The following C4orf36 variants were observed in gnomAD, a reference collection of about 807,000 sequenced individuals.
C4orf36 encodes the protein chromosome 4 open reading frame 36.
C4orf36 carries 11 observed loss-of-function variants against 12.2 expected under a neutral mutation model. The observed-to-expected ratio is 0.90, with a 90% CI of 0.57 to 1.49. The LOEUF (loss-of-function observed/expected upper bound fraction) is 1.49. Ranked by LOEUF, C4orf36 falls within the 40% of genes most tolerant of loss-of-function variation. The pLI is 0.00. For synonymous variants in C4orf36, 54 were observed against 51.3 expected, an observed-to-expected ratio of 1.05 and a Z score of -0.22; for missense variants, 137 against 133.9, an observed-to-expected ratio of 1.02 and a Z score of -0.11.
chr4:86,890,830 C>T (rs1747379065), intron 2 of C4orf36, among the ~76,000 whole-genome samples: 2 of 152,184 alleles, frequency 1.3e-5, no homozygotes, highest in African/African-American at 2.4e-5. Context: ...TTCACATACA[C>T]GACTTCATTT....
At chr4:86,890,208 A>AGGAG in intron 2 of C4orf36, 1 of 91,210 alleles carries the variant, frequency 1.1e-5, no homozygotes. Flanking sequence ...GGAGGGAGGG[A>AGGAG]GGAAGGAAGG....
the C4orf36 span, among the ~76,000 whole-genome samples, chr4:86,905,379 G>GAAATAAAT: frequency 2.8e-4 from 42 of 150,900 alleles, no homozygotes; most frequent in East Asian, 3.2e-3. Context: ...ACTCCATCTC[G>GAAATAAAT]AAATAAATAA....
rs935968350 is a variant in C4orf36 at position 86,885,868 on chromosome 4, G to A, written c.*2+1890C>T. Among the ~76,000 whole-genome samples the A allele has an allele frequency of 3.4e-4, 51 of 152,222 alleles. 1 individual carries two copies. Among genetic ancestry groups the A allele is most frequent in the African/African-American group, 1.2e-3 (48 of 41,526 alleles). ...AATAGCTCTTATTATTTTGAGATAC[G>A]TCCCATCAATACCTAATTTATTGAC... On this transcript the variant is annotated intron_variant, in intron 4 of 4. Transcript: ENST00000295898.
chr4:86,892,494 AC>A, upstream of C4orf36: 1 of 980,020 alleles, frequency 1.0e-6, no homozygotes. Flanking sequence ...CAGGGAGGGG[AC>A]GCCGGGCCCG....
At chr4:86,884,613 T>G (rs1482916894) in intron 4 of C4orf36, among the ~76,000 whole-genome samples, 1 of 152,088 alleles carries the variant, frequency 6.6e-6, no homozygotes, top group African/African-American at 2.4e-5. Context: ...GCCTGACAAT[T>G]TTTTTTAGGA....
the C4orf36 span, among the ~76,000 whole-genome samples, chr4:86,929,185 G>C: frequency 6.6e-6 from 1 of 152,122 alleles, no homozygotes; most frequent in African/African-American, 2.4e-5. Flanking sequence ...AATTTCCATA[G>C]GTTGGACTTG....
the C4orf36 span, among the ~76,000 whole-genome samples, chr4:86,927,303 G>A: frequency 6.6e-6 from 1 of 152,184 alleles, no homozygotes; most frequent in Non-Finnish European, 1.5e-5. Flanking sequence ...AGAATTGCTT[G>A]AACCCAGCAT....
the C4orf36 span, among the ~76,000 whole-genome samples, chr4:86,912,332 T>C: frequency 1.3e-5 from 2 of 152,212 alleles, no homozygotes; most frequent in African/African-American, 4.8e-5. Context: ...ATTGTCTCTT[T>C]TTATTCTTAT....
At chr4:86,904,729 A>AAAT in the C4orf36 span, among the ~76,000 whole-genome samples, 15 of 151,924 alleles carry the variant, frequency 9.9e-5, no homozygotes, top group Middle Eastern at 3.2e-3. Flanking sequence ...CCGCATCTCT[A>AAAT]AATAATAATA....
At position 86,876,436 on chromosome 4, in the gene C4orf36, G is replaced by C. The variant is rs892915542; in HGVS notation, c.*10C>G. ...CTGAGTTTCTTCATCTACAATCCGC[G>C]CTTCAGGCTGCGCAAAGGAGAGGGG... On this transcript the variant is annotated 3_prime_UTR_variant, in exon 5 of 5. Transcript: ENST00000295898. The C allele has an allele frequency of 1.9e-4, 310 of 1,613,400 alleles. No individual in the cohort carries two copies. Among genetic ancestry groups the C allele is most frequent in the Admixed American group, 1.3e-3 (78 of 59,954 alleles).
At chr4:86,900,652 T>C in the C4orf36 span, among the ~76,000 whole-genome samples, 1 of 152,120 alleles carries the variant, frequency 6.6e-6, no homozygotes, top group African/African-American at 2.4e-5. Flanking sequence ...GCTCCCTCCA[T>C]GGTTTTGGAA....
chr4:86,887,825 T>C lies in C4orf36; in HGVS notation c.289A>G (p.Lys97Glu). The C allele has an allele frequency of 6.2e-7, 1 of 1,614,230 alleles. No individual in the cohort carries two copies. ...CKLKCQENTS[K>E]EIQLLLRERP... ...TCCCTCAGGAGAAGCTGAATTTCCT[T>C]AGATGTATTTTCTTGACACTTCAGT... The change falls in exon 4 of 5, where the codon AAG (lysine) becomes GAG (glutamate). Residue 97 changes from lysine (K) to glutamate (E), a missense_variant. Coordinates refer to ENST00000295898, the MANE Select transcript of C4orf36 (RefSeq NM_144645.4).
intron 2 of C4orf36, among the ~76,000 whole-genome samples, chr4:86,890,700 G>C (rs977919470): frequency 4.6e-5 from 7 of 152,136 alleles, no homozygotes; most frequent in Non-Finnish European, 8.8e-5. Flanking sequence ...TTCAGCTGAT[G>C]CCTAATCAAA....
chr4:86,934,743 T>G, the C4orf36 span: 1 of 152,308 alleles, frequency 6.6e-6, no homozygotes, highest in Non-Finnish European at 1.5e-5. Flanking sequence ...GAAAGGGTTC[T>G]TGCGCCCCCA....
At chr4:86,906,072 C>T in the C4orf36 span, among the ~76,000 whole-genome samples, 1 of 151,996 alleles carries the variant, frequency 6.6e-6, no homozygotes, top group Non-Finnish European at 1.5e-5. Flanking sequence ...GTCAGCAAAC[C>T]GGGGCTAGGT....
chr4:86,878,431 T>G (rs1272007742), intron 4 of C4orf36, among the ~76,000 whole-genome samples: 1 of 152,200 alleles, frequency 6.6e-6, no homozygotes, highest in East Asian at 1.9e-4. Flanking sequence ...GGTGGCAGAA[T>G]AGGAAGCCTC....
chr4:86,891,292 C>A (rs1246624473), intron 2 of C4orf36, among the ~76,000 whole-genome samples, 164 bp downstream of exon 2: 2 of 27,130 alleles, frequency 7.4e-5, no homozygotes, highest in African/African-American at 1.6e-4. Context: ...AAAGCAGTTG[C>A]CAAAAAAAAA....
At chr4:86,922,382 G>A in the C4orf36 span, among the ~76,000 whole-genome samples, 15 of 152,184 alleles carry the variant, frequency 9.9e-5, no homozygotes, top group Non-Finnish European at 1.8e-4. Flanking sequence ...CAGTATAGCC[G>A]TGAATGGAAA....
At chr4:86,920,075 A>G in the C4orf36 span, among the ~76,000 whole-genome samples, 1 of 152,206 alleles carries the variant, frequency 6.6e-6, no homozygotes, top group Admixed American at 6.5e-5. Flanking sequence ...ATCCTAGCTT[A>G]TCACTCTTAA....
Sources: allele counts gnomAD v4.1 joint callset (sites outside exome capture counted in the v4.1 genomes callset), GRCh38; gene constraint gnomAD v4.1.1; transcripts MANE v1.5; gene names NCBI Gene and HGNC (gene_info 2026-07-23, HGNC 2026-07-21).